SLC14A2: variants seen among roughly 807,000 people sequenced by gnomAD.
The protein encoded by SLC14A2 is urea transporter 2.
SLC14A2 carries 91 observed loss-of-function variants against 104.6 expected under a neutral mutation model. That is an observed-to-expected ratio of 0.87 (90% CI 0.73 to 1.04). The LOEUF (loss-of-function observed/expected upper bound fraction) is 1.04, where lower values mean the gene tolerates loss of function less well. Among genes scored for constraint, SLC14A2 ranks in the 50% least tolerant of loss-of-function variants. The probability of loss-of-function intolerance (pLI) is 0.00; values close to 1 mark genes in which losing one functional copy is unlikely to be tolerated. For missense variants in SLC14A2, 1,189 were observed against 1,156.0 expected (o/e 1.03, Z -0.41); for synonymous variants, 476 against 466.4 (o/e 1.02, Z -0.27).
intron 1 of SLC14A2, among the ~76,000 whole-genome samples, chr18:45,336,439 G>T (rs2085338676): frequency 6.6e-6 from 1 of 151,932 alleles, no homozygotes; most frequent in East Asian, 1.9e-4. Flanking sequence ...GGTGATCTCG[G>T]AGGGCCCTTT....
intron 1 of SLC14A2, among the ~76,000 whole-genome samples, chr18:45,453,498 G>A (rs2086889776): frequency 6.6e-6 from 1 of 152,190 alleles, no homozygotes; most frequent in African/African-American, 2.4e-5. Context: ...CAGTAGCAGT[G>A]CTGTGTTGAG....
intron 1 of SLC14A2, among the ~76,000 whole-genome samples, chr18:45,474,881 A>G (rs181418318): frequency 2.7e-4 from 41 of 151,602 alleles, no homozygotes; most frequent in African/African-American, 8.2e-4. Context: ...ATCTCCTTCA[A>G]TTCTGCTCTG....
rs575405768 is a variant in SLC14A2 at position 45,291,922 on chromosome 18, G to T, written c.-125+78731G>T. Among the ~76,000 whole-genome samples, 10 of 152,256 alleles carry T rather than the reference G, an allele frequency of 6.6e-5. No homozygotes were observed. In the East Asian group the frequency reaches 1.9e-3, roughly 29 times the overall value. ...CTCCTCCCAGATAATTCAGGAAATA[G>T]CATCTCAGAGGTTCCCATCTTGGCA... is the stretch of plus-strand genomic sequence containing the variant. On this transcript the variant is annotated intron_variant, in intron 1 of 20. Transcript: ENST00000586448.
chr18:45,249,730 G>A (rs566650535), intron 1 of SLC14A2, among the ~76,000 whole-genome samples: 4 of 152,200 alleles, frequency 2.6e-5, no homozygotes, highest in African/African-American at 7.2e-5. Context: ...CAGGAGGATC[G>A]CTTGAGTCCA....
intron 1 of SLC14A2, among the ~76,000 whole-genome samples, chr18:45,310,088 A>G (rs1244778708): frequency 6.6e-6 from 1 of 152,082 alleles, no homozygotes; most frequent in Non-Finnish European, 1.5e-5. Flanking sequence ...CAATGGATAT[A>G]TCATTTATTT....
chr18:45,604,232 T>G (rs1438132919), intron 2 of SLC14A2, among the ~76,000 whole-genome samples: 1 of 152,234 alleles, frequency 6.6e-6, no homozygotes, highest in African/African-American at 2.4e-5. Context: ...AAAAGTCATT[T>G]CTCACTGCGT....
intron 2 of SLC14A2, among the ~76,000 whole-genome samples, chr18:45,560,856 T>A (rs557885126): frequency 1.3e-5 from 2 of 152,214 alleles, no homozygotes; most frequent in Admixed American, 1.3e-4. Context: ...CTCTAGAAAT[T>A]CTAGCCTCAG....
upstream of SLC14A2, among the ~76,000 whole-genome samples, chr18:45,211,252 A>G (rs1221565486): frequency 6.6e-6 from 1 of 152,162 alleles, no homozygotes; most frequent in Non-Finnish European, 1.5e-5. Flanking sequence ...CCAAAGTACA[A>G]CTTGATGGAA....
intron 1 of SLC14A2, among the ~76,000 whole-genome samples, chr18:45,431,980 G>A (rs1483858496): frequency 6.6e-6 from 1 of 152,144 alleles, no homozygotes; most frequent in East Asian, 1.9e-4. Context: ...CAGTACAATG[G>A]CAGAACTGAG....
chr18:45,281,868 T>A (rs1342957892), intron 1 of SLC14A2, among the ~76,000 whole-genome samples: 2 of 152,092 alleles, frequency 1.3e-5, no homozygotes, highest in Non-Finnish European at 2.9e-5. Context: ...GGATCAGAGG[T>A]CAGCCTTGTT....
Position 45,679,040 on chromosome 18 carries a change from C to T in SLC14A2, c.2562+16C>T, listed in dbSNP as rs778823412. ...GTTATCTGTGGTGAGTCAACACAGG[C>T]TCAGAACGTGCCTACAACATCCTTC... On this transcript the variant is annotated intron_variant, in intron 19 of 19. Coordinates refer to ENST00000255226, the MANE Select transcript of SLC14A2 (RefSeq NM_007163.4). The T allele has an allele frequency of 6.2e-7, 1 of 1,610,650 alleles. No individual in the cohort carries two copies. The highest frequency in any genetic ancestry group is 8.5e-7 in the Non-Finnish European group (1 of 1,178,590).
At chr18:45,478,319 G>A (rs575099583) in intron 1 of SLC14A2, among the ~76,000 whole-genome samples, 1 of 152,160 alleles carries the variant, frequency 6.6e-6, no homozygotes, top group African/African-American at 2.4e-5. Flanking sequence ...TGGATCCACT[G>A]TCTAACCAGT....
intron 1 of SLC14A2, chr18:45,213,315 G>A (rs77830307): frequency 6.6e-6 from 1 of 151,762 alleles, no homozygotes; most frequent in South Asian, 2.1e-4. Context: ...ATTTTTTTCA[G>A]GAGAAAATAT....
At chr18:45,541,676 T>C (rs994629621) in intron 2 of SLC14A2, among the ~76,000 whole-genome samples, 2 of 152,192 alleles carry the variant, frequency 1.3e-5, no homozygotes, top group African/African-American at 4.8e-5. Context: ...CTGCTGGACA[T>C]TAGACATTCA....
chr18:45,645,727 T>G (rs931073873), intron 10 of SLC14A2, among the ~76,000 whole-genome samples: 7 of 138,238 alleles, frequency 5.1e-5, no homozygotes, highest in African/African-American at 1.9e-4. Flanking sequence ...TTTGGCAAAG[T>G]CTTAACCCTG....
intron 2 of SLC14A2, among the ~76,000 whole-genome samples, chr18:45,535,186 A>G (rs150558919): frequency 1.4e-4 from 22 of 152,298 alleles, no homozygotes; most frequent in African/African-American, 5.1e-4. Flanking sequence ...GGTGAGTATC[A>G]CTGCCCTTCA....
intron 1 of SLC14A2, among the ~76,000 whole-genome samples, chr18:45,334,541 G>T (rs569997994): frequency 6.6e-6 from 1 of 152,256 alleles, no homozygotes; most frequent in African/African-American, 2.4e-5. Context: ...ACGTATAAAT[G>T]TATTTACTTC....
chr18:45,207,417 GAGAA>G, the SLC14A2 span, among the ~76,000 whole-genome samples: 3 of 150,770 alleles, frequency 2.0e-5, no homozygotes, highest in Non-Finnish European at 3.0e-5. Flanking sequence ...GAGAGAAAGA[GAGAA>G]AGAAAAAAGA....
intron 2 of SLC14A2, among the ~76,000 whole-genome samples, chr18:45,608,627 A>G (rs1178052846): frequency 1.3e-5 from 2 of 152,196 alleles, no homozygotes; most frequent in Non-Finnish European, 2.9e-5. Context: ...ATCTTTTCAG[A>G]GTTTTGGCTG....
Sources: gnomAD v4.1 joint callset for allele counts (sites outside exome capture counted in the v4.1 genomes callset) on GRCh38, gnomAD v4.1.1 for gene constraint, MANE v1.5 for transcripts, NCBI Gene and HGNC (gene_info 2026-07-23, HGNC 2026-07-21) for gene names.